ATRNL1: variants seen among roughly 807,000 people sequenced by gnomAD.
ATRNL1 encodes attractin-like protein 1.
ATRNL1 carries 95 observed loss-of-function variants against 182.7 expected under a neutral mutation model. That is an observed-to-expected ratio of 0.52 (90% CI 0.44 to 0.62). The LOEUF (loss-of-function observed/expected upper bound fraction) is 0.62, where lower values mean the gene tolerates loss of function less well. Ranked by LOEUF, ATRNL1 falls within the 20% of genes least tolerant of loss-of-function variation. The pLI is 0.00. For missense variants in ATRNL1, 1,471 were observed against 1,679.5 expected, an observed-to-expected ratio of 0.88 and a Z score of 2.17; for synonymous variants, 576 against 568.3, an observed-to-expected ratio of 1.01 and a Z score of -0.19.
At chr10:115,737,677 G>A (rs1225231395) in intron 27 of ATRNL1, among the ~76,000 whole-genome samples, 1 of 152,112 alleles carries the variant, frequency 6.6e-6, no homozygotes, top group Non-Finnish European at 1.5e-5. Context: ...TGTTAATGTG[G>A]TAGTAGCATA....
At chr10:115,411,650 A>C (rs150932203) in intron 20 of ATRNL1, among the ~76,000 whole-genome samples, 1 of 152,240 alleles carries the variant, frequency 6.6e-6, no homozygotes, top group Non-Finnish European at 1.5e-5. Flanking sequence ...GAGTTTTTAA[A>C]ATATTATTTA....
intron 25 of ATRNL1, among the ~76,000 whole-genome samples, chr10:115,531,070 T>C (rs1191898296): frequency 2.0e-5 from 3 of 152,120 alleles, no homozygotes; most frequent in Non-Finnish European, 4.4e-5. Context: ...CTATTGTGAA[T>C]AGTGCCGCAA....
At chr10:115,351,393 G>A (rs1318123050) in intron 19 of ATRNL1, among the ~76,000 whole-genome samples, 1 of 151,870 alleles carries the variant, frequency 6.6e-6, no homozygotes, top group Non-Finnish European at 1.5e-5. Context: ...TGTTTTATAT[G>A]ACCTTTATTG....
chr10:115,109,800 CTT>C (rs1283510520), intron 1 of ATRNL1, among the ~76,000 whole-genome samples: 3 of 152,266 alleles, frequency 2.0e-5, no homozygotes, highest in Non-Finnish European at 4.4e-5. Context: ...ACCTAGCTCA[CTT>C]TTCAAAAAAC....
intron 26 of ATRNL1, among the ~76,000 whole-genome samples, chr10:115,707,226 GTC>G (rs1555053274): frequency 6.6e-6 from 1 of 151,750 alleles, no homozygotes; most frequent in African/African-American, 2.4e-5. Context: ...TATCGTATCA[GTC>G]TAAACAATTC....
At chr10:115,235,365 A>G (rs1372432673) in intron 9 of ATRNL1, among the ~76,000 whole-genome samples, 1 of 152,166 alleles carries the variant, frequency 6.6e-6, no homozygotes, top group Non-Finnish European at 1.5e-5. Flanking sequence ...CAGCCCCAAA[A>G]GAAACCCCAT....
chr10:115,762,735 G>A (rs1555073939), intron 27 of ATRNL1, among the ~76,000 whole-genome samples: 2 of 151,886 alleles, frequency 1.3e-5, no homozygotes, highest in African/African-American at 4.8e-5. Flanking sequence ...AATTTATATT[G>A]ACAGATTCTA....
At chr10:115,381,462 G>T (rs1858002073) in intron 19 of ATRNL1, among the ~76,000 whole-genome samples, 1 of 42,506 alleles carries the variant, frequency 2.4e-5, no homozygotes, top group Non-Finnish European at 6.1e-5. Context: ...TAGACATGGG[G>T]TTTCTTCACC....
intron 27 of ATRNL1, among the ~76,000 whole-genome samples, chr10:115,733,755 C>A (rs1328161303): frequency 1.3e-5 from 2 of 152,046 alleles, no homozygotes; most frequent in South Asian, 2.1e-4. Context: ...TTTCTTATAG[C>A]TGATTTGTGA....
chr10:115,867,730 A>ATTTTTTTTTTTT (rs59623583), intron 28 of ATRNL1, among the ~76,000 whole-genome samples: 1 of 138,078 alleles, frequency 7.2e-6, no homozygotes, highest in Admixed American at 7.2e-5. Context: ...CACCCTGTGA[A>ATTTTTTTTTTTT]TTTTTTTTTT....
At chr10:115,763,337 C>T (rs1003236878) in intron 27 of ATRNL1, among the ~76,000 whole-genome samples, 2 of 152,092 alleles carry the variant, frequency 1.3e-5, no homozygotes, top group Non-Finnish European at 2.9e-5. Flanking sequence ...GATACTTGAC[C>T]ATGTGACAGT....
At chr10:115,219,826 C>G (rs560962840) in intron 9 of ATRNL1, among the ~76,000 whole-genome samples, 86 of 152,142 alleles carry the variant, frequency 5.7e-4, no homozygotes, top group Non-Finnish European at 1.1e-3. Flanking sequence ...TTGCTTGAAC[C>G]TGGGAAGTGG....
At chr10:115,828,644 AT>A (rs1555092694) in intron 27 of ATRNL1, among the ~76,000 whole-genome samples, 1 of 152,176 alleles carries the variant, frequency 6.6e-6, no homozygotes, top group East Asian at 1.9e-4. Flanking sequence ...ATTCAGTATT[AT>A]TTAGACAAGC....
At chr10:115,190,125 T>G (rs1848112642) in intron 8 of ATRNL1, among the ~76,000 whole-genome samples, 1 of 152,132 alleles carries the variant, frequency 6.6e-6, no homozygotes, top group Non-Finnish European at 1.5e-5. Flanking sequence ...CTCTATGATG[T>G]TCACACAGTG....
intron 25 of ATRNL1, among the ~76,000 whole-genome samples, chr10:115,529,776 A>G (rs1293304898): frequency 2.6e-5 from 4 of 152,142 alleles, no homozygotes; most frequent in Non-Finnish European, 5.9e-5. Context: ...ATTCACATAT[A>G]ATACAATTCA....
chr10:115,819,198 A>G (rs2960666), intron 27 of ATRNL1, among the ~76,000 whole-genome samples: 109,682 of 151,866 alleles, frequency 0.72, 39,829 homozygotes, highest in East Asian at 0.8. Flanking sequence ...CTGCAAGCCC[A>G]TCAGCCACCA....
chr10:115,298,240 A>G (rs1853303678), intron 15 of ATRNL1, among the ~76,000 whole-genome samples: 1 of 152,150 alleles, frequency 6.6e-6, no homozygotes, highest in Non-Finnish European at 1.5e-5. Flanking sequence ...TCTTGGGTCA[A>G]ATGATCATTT....
At chr10:115,371,155 G>C (rs1303874035) in intron 19 of ATRNL1, among the ~76,000 whole-genome samples, 3 of 152,180 alleles carry the variant, frequency 2.0e-5, no homozygotes, top group African/African-American at 7.2e-5. Flanking sequence ...GAAATGCCTG[G>C]ATGTCCAGGC....
intron 19 of ATRNL1, among the ~76,000 whole-genome samples, chr10:115,365,956 T>C (rs1457731431): frequency 6.6e-6 from 1 of 152,192 alleles, no homozygotes; most frequent in Non-Finnish European, 1.5e-5. Flanking sequence ...TGGTCAATTT[T>C]AGAATAGGTG....
Sources: gnomAD v4.1 joint callset for allele counts (sites outside exome capture counted in the v4.1 genomes callset) on GRCh38, gnomAD v4.1.1 for gene constraint, MANE v1.5 for transcripts, NCBI Gene and HGNC (gene_info 2026-07-23, HGNC 2026-07-21) for gene names.